The following ADAMTS12 variants were observed in gnomAD, a reference collection of about 807,000 sequenced individuals.
ADAMTS12 encodes the protein A disintegrin and metalloproteinase with thrombospondin motifs 12.
In ADAMTS12, 118 loss-of-function variants were observed where a neutral mutation model predicts 167.8. That is an observed-to-expected ratio of 0.70 (90% confidence interval 0.61 to 0.82). ADAMTS12 has a LOEUF of 0.82. ADAMTS12 is among the 40% of genes least tolerant of loss of function. ADAMTS12 has a pLI of 0.00. For missense variants in ADAMTS12, 1,916 were observed against 1,998.8 expected (o/e 0.96, Z 0.79); for synonymous variants, 704 against 716.9 (o/e 0.98, Z 0.29).
intron 3 of ADAMTS12, among the ~76,000 whole-genome samples, chr5:33,693,876 C>T (rs1742646029): frequency 6.6e-6 from 1 of 152,124 alleles, no homozygotes. Context: ...GGAAGTCAAA[C>T]TCTATCTCTG....
intron 23 of ADAMTS12, among the ~76,000 whole-genome samples, chr5:33,528,307 T>C (rs1579622034): frequency 1.3e-5 from 2 of 152,170 alleles, no homozygotes; most frequent in South Asian, 2.1e-4. Context: ...AGACTACATA[T>C]TGGGTATAGT....
At chr5:33,724,621 G>C (rs934884789) in intron 3 of ADAMTS12, among the ~76,000 whole-genome samples, 5 of 150,480 alleles carry the variant, frequency 3.3e-5, no homozygotes, top group Non-Finnish European at 4.4e-5. Context: ...GCGCTATCTC[G>C]GCTCACTGCA....
chr5:33,794,272 G>A lies in ADAMTS12; in HGVS notation c.490-42724C>T, dbSNP rs189789762. 2.2e-3 allele frequency among the ~76,000 whole-genome samples: 330 copies of A among 152,260 alleles called. 2 individuals carry two copies. Among genetic ancestry groups the A allele is most frequent in the African/African-American group, 7.7e-3 (318 of 41,542 alleles). On this transcript the variant is annotated intron_variant, in intron 2 of 23. Transcript: ENST00000504830. Reference sequence around the variant, plus strand: ...CAGCTGGGGCACTCACAGTATTTGGGGTGTCTCTTCCGGTCCTGCAGGAGA... The same window carrying A: ...CAGCTGGGGCACTCACAGTATTTGGAGTGTCTCTTCCGGTCCTGCAGGAGA...
chr5:33,531,182 A>G (rs2111734364), intron 23 of ADAMTS12, among the ~76,000 whole-genome samples: 1 of 152,334 alleles, frequency 6.6e-6, no homozygotes, highest in Non-Finnish European at 1.5e-5. Flanking sequence ...ATGGCCGGCA[A>G]CCGCCAGCAG....
chr5:33,839,724 C>T lies in ADAMTS12; in HGVS notation c.489+41395G>A, dbSNP rs1012951164. On this transcript the variant is annotated intron_variant, in intron 2 of 23. Transcript: ENST00000504830. ...TGTTCTCCACCCTTATCCCCACCAC[C>T]GTGCCCTGCCCACTCAAAAAGGTTG... 1.3e-5 allele frequency among the ~76,000 whole-genome samples: 2 copies of T among 152,176 alleles called. 1 individual carries two copies. The highest frequency in any genetic ancestry group is 1.3e-4 in the Admixed American group (2 of 15,274).
At chr5:33,728,318 A>G (rs1744060808) in intron 3 of ADAMTS12, among the ~76,000 whole-genome samples, 1 of 152,164 alleles carries the variant, frequency 6.6e-6, no homozygotes, top group South Asian at 2.1e-4. Context: ...ACAGTGTCAG[A>G]GCATTGGACA....
chr5:33,883,315 GGT>G (rs1561327314), intron 1 of ADAMTS12, among the ~76,000 whole-genome samples: 5 of 136,724 alleles, frequency 3.7e-5, no homozygotes, highest in African/African-American at 1.4e-4. Flanking sequence ...TTGTTTGTTT[GGT>G]TTTTTTTTTG....
At chr5:33,684,327 A>G (rs1233976923) in intron 3 of ADAMTS12, among the ~76,000 whole-genome samples, 3 of 152,166 alleles carry the variant, frequency 2.0e-5, no homozygotes, top group Non-Finnish European at 4.4e-5. Context: ...CGTACCCAAC[A>G]ATGGGAACTT....
chr5:33,614,521 A>G (rs1738886432), intron 15 of ADAMTS12, 145 bp from the exon 16 acceptor site: 8 of 894,860 alleles, frequency 8.9e-6, no homozygotes, highest in South Asian at 8.3e-5. Flanking sequence ...ATCTATACCT[A>G]TGTCTGTGCC....
chr5:33,638,784 A>G (rs575562295), intron 11 of ADAMTS12, among the ~76,000 whole-genome samples: 1 of 152,316 alleles, frequency 6.6e-6, no homozygotes, highest in East Asian at 1.9e-4. Flanking sequence ...TCAATGGGTG[A>G]ATAAGTTAAT....
intron 23 of ADAMTS12, among the ~76,000 whole-genome samples, chr5:33,529,064 A>T (rs1743968515): frequency 6.6e-6 from 1 of 152,206 alleles, no homozygotes; most frequent in Admixed American, 6.5e-5. Context: ...AAGAAAAAAA[A>T]TAATAACCAA....
chr5:33,603,639 A>T (rs928442758), intron 16 of ADAMTS12: 3 of 152,184 alleles, frequency 2.0e-5, no homozygotes, highest in Admixed American at 6.5e-5. Context: ...ACCTCTGAGC[A>T]CTAAACTGTG....
intron 3 of ADAMTS12, among the ~76,000 whole-genome samples, chr5:33,720,519 T>G (rs1345977815): frequency 2.0e-5 from 3 of 152,130 alleles, no homozygotes; most frequent in Non-Finnish European, 4.4e-5. Context: ...CAATAAAGAT[T>G]TGCTGGCTCA....
At chr5:33,880,929 G>GT (rs1231526777) in intron 2 of ADAMTS12, 190 bp downstream of exon 2, 16 of 775,124 alleles carry the variant, frequency 2.1e-5, no homozygotes, top group Non-Finnish European at 3.1e-5. Context: ...CTTACTCTTT[G>GT]TATCTCTCAA....
At chr5:33,571,860 TAAAG>T (rs1386591468) in intron 19 of ADAMTS12, among the ~76,000 whole-genome samples, 3 of 150,258 alleles carry the variant, frequency 2.0e-5, no homozygotes, top group Non-Finnish European at 4.4e-5. Context: ...GCAAGACTAA[TAAAG>T]AAAAAAAGAG....
chr5:33,851,621 TAGAAA>T (rs1749223401), intron 2 of ADAMTS12, among the ~76,000 whole-genome samples: 1 of 152,282 alleles, frequency 6.6e-6, no homozygotes, highest in African/African-American at 2.4e-5. Flanking sequence ...ACCTTCCAGA[TAGAAA>T]AGAGTATCTG....
chr5:33,537,321 T>C (rs1744467612), intron 22 of ADAMTS12, among the ~76,000 whole-genome samples: 1 of 152,198 alleles, frequency 6.6e-6, no homozygotes, highest in South Asian at 2.1e-4. Context: ...ATGGTTTCCT[T>C]GGAAACTAGA....
chr5:33,700,487 A>G (rs908164871), intron 3 of ADAMTS12, among the ~76,000 whole-genome samples: 2 of 152,196 alleles, frequency 1.3e-5, no homozygotes, highest in African/African-American at 4.8e-5. Context: ...AATTTTAGAA[A>G]TTTTAGGACA....
At chr5:33,570,574 C>T (rs1406193291) in intron 19 of ADAMTS12, among the ~76,000 whole-genome samples, 1 of 151,864 alleles carries the variant, frequency 6.6e-6, no homozygotes, top group Non-Finnish European at 1.5e-5. Flanking sequence ...CCAGGCCTGC[C>T]CTAAAAGAGC....
Sources: gnomAD v4.1 joint callset for allele counts (sites outside exome capture counted in the v4.1 genomes callset) on GRCh38, gnomAD v4.1.1 for gene constraint, MANE v1.5 for transcripts, NCBI Gene and HGNC (gene_info 2026-07-23, HGNC 2026-07-21) for gene names.